The following EML1 variants were observed in gnomAD, a reference collection of about 807,000 sequenced individuals.
The protein encoded by EML1 is echinoderm microtubule-associated protein-like 1.
Under a neutral mutation model 110.4 loss-of-function variants are expected in EML1, and 27 were observed. That is an observed-to-expected ratio of 0.24 (90% CI 0.18 to 0.34). The LOEUF is 0.34. Ranked by LOEUF, EML1 falls within the 10% of genes least tolerant of loss-of-function variation. The pLI is 1.00. For synonymous variants in EML1, 344 were observed against 385.8 expected (o/e 0.89, Z 1.27); for missense variants, 741 against 1,030.9 (o/e 0.72, Z 3.85).
intron 13 of EML1, among the ~76,000 whole-genome samples, chr14:99,913,027 G>A (rs1052148684): frequency 1.3e-5 from 2 of 152,138 alleles, no homozygotes; most frequent in African/African-American, 2.4e-5. Context: ...CTTCATCATA[G>A]CAAATTGTTC....
In EML1 at chr14:99,905,851, G is replaced by A. The variant is rs532736245; in HGVS notation, c.1009-1787G>A. ...GCGTCCTTGCCTTTTATTAAGAGGG[G>A]CCTTTAACCCACTCTGTCTTAGGAG... On this transcript the variant is annotated intron_variant, in intron 9 of 21. Transcript: ENST00000262233. This position sits in a 1 kb window ranked among gnomAD's most constrained non-coding sequence, Gnocchi z 4.1. Among the ~76,000 whole-genome samples the A allele has an allele frequency of 6.6e-6, 1 of 152,222 alleles. No homozygotes were observed. The highest frequency in any genetic ancestry group is 2.1e-4 in the South Asian group (1 of 4,816).
At chr14:99,856,020 G>GAT (rs1056644772) in intron 2 of EML1, among the ~76,000 whole-genome samples, 2 of 152,200 alleles carry the variant, frequency 1.3e-5, no homozygotes, top group Non-Finnish European at 2.9e-5. Context: ...TGTATTGATT[G>GAT]ACTAAGGGCT....
chr14:99,857,102 C>T (rs1439141102), intron 2 of EML1, among the ~76,000 whole-genome samples: 1 of 151,970 alleles, frequency 6.6e-6, no homozygotes, highest in Non-Finnish European at 1.5e-5. Flanking sequence ...TGAAACCCCA[C>T]CTCTACAAAA....
At chr14:99,894,413 T>G (rs1161279331) in intron 5 of EML1, 1 of 378,194 alleles carries the variant, frequency 2.6e-6, no homozygotes, top group African/African-American at 2.1e-5. Flanking sequence ...AGGTATCTCA[T>G]GTACTTAAGT....
At chr14:99,764,248 A>G (rs1054242117) in intron 1 of EML1, among the ~76,000 whole-genome samples, 37 of 152,326 alleles carry the variant, frequency 2.4e-4, no homozygotes, top group African/African-American at 8.9e-4. Context: ...CAGAGGTCTC[A>G]CAGCAGCTCT....
chr14:99,939,583 C>G lies in EML1; in HGVS notation c.2322+256C>G, dbSNP rs867683078. Among the ~76,000 whole-genome samples the G allele has an allele frequency of 6.6e-5, 10 of 152,272 alleles. No individual in the cohort carries two copies. Among genetic ancestry groups the G allele is most frequent in the African/African-American group, 2.4e-4 (10 of 41,550 alleles). On this transcript the variant is annotated intron_variant, in intron 21 of 21. Transcript: ENST00000262233. This position sits in a 1 kb window ranked among gnomAD's most constrained non-coding sequence, Gnocchi z 4.2. The stretch of plus-strand genomic sequence containing the variant: ...AGGCTCACGACCCCGCCCTCCCCCA[C>G]GGCTCCCTTGCTCCGGCCCTGCTCA...
chr14:99,912,676 A>G (rs1414450468), intron 13 of EML1, among the ~76,000 whole-genome samples: 1 of 152,230 alleles, frequency 6.6e-6, no homozygotes, highest in Non-Finnish European at 1.5e-5. Context: ...CCTTGCCTGG[A>G]GATTCTGTTG....
chr14:99,876,559 C>G (rs1179115209), intron 3 of EML1, among the ~76,000 whole-genome samples: 5 of 152,188 alleles, frequency 3.3e-5, no homozygotes, highest in African/African-American at 1.2e-4. Flanking sequence ...CTCTTCTGTC[C>G]TTGGTCACCT....
chr14:99,907,533 T>G, intron 9 of EML1, 105 bp from the exon 10 acceptor site: 1 of 952,250 alleles, frequency 1.1e-6, no homozygotes, highest in Middle Eastern at 2.2e-4. Flanking sequence ...TTAACTACAA[T>G]GTAGCAGACT....
chr14:99,848,884 GC>G (rs768478239), intron 1 of EML1, among the ~76,000 whole-genome samples: 5 of 151,492 alleles, frequency 3.3e-5, no homozygotes, highest in Admixed American at 6.6e-5. Flanking sequence ...GATCACTTGA[GC>G]CTAGGGAGTG....
chr14:99,794,220 A>G (rs2057726999), intron 1 of EML1, among the ~76,000 whole-genome samples: 1 of 152,180 alleles, frequency 6.6e-6, no homozygotes, highest in Non-Finnish European at 1.5e-5. Flanking sequence ...AAAAATATGA[A>G]ATCCTACATG....
rs2060587882 is a variant in EML1, at chr14:99,941,469, T to C, written c.*1357T>C. The C allele has an allele frequency of 6.6e-6, 1 of 152,256 alleles. No individual in the cohort carries two copies. The highest frequency in any genetic ancestry group is 2.4e-5 in the African/African-American group (1 of 41,474). The allele number at this position is 152,256 out of a possible 1,614,324, so 9.4% of individuals were successfully genotyped here. ...GGCACCAGTAAACACCATGTATTATTGAAGATGAATCTGTTTGTATGTATC... is the reference window on the plus strand; with the variant it reads ...GGCACCAGTAAACACCATGTATTATCGAAGATGAATCTGTTTGTATGTATC... On this transcript the variant is annotated 3_prime_UTR_variant, in exon 22 of 22. Transcript: ENST00000262233.
chr14:99,787,415 A>G (rs921374586), intron 1 of EML1, among the ~76,000 whole-genome samples: 3 of 151,520 alleles, frequency 2.0e-5, no homozygotes, highest in Non-Finnish European at 4.4e-5. Context: ...AGTAACTGGG[A>G]TTATATCCAC....
chr14:99,894,859 T>G, intron 6 of EML1, 101 bp downstream of exon 6: 1 of 1,392,602 alleles, frequency 7.2e-7, no homozygotes, highest in African/African-American at 1.5e-5. Flanking sequence ...TCTTAAGCTT[T>G]TAAAAAACAA....
chr14:99,916,953 C>A (rs565621961), intron 15 of EML1, among the ~76,000 whole-genome samples: 1 of 152,114 alleles, frequency 6.6e-6, no homozygotes, highest in Non-Finnish European at 1.5e-5. Context: ...ATCTTGTATC[C>A]GAGTTAGTGA....
chr14:99,881,676 C>T (rs1372011727), intron 4 of EML1, among the ~76,000 whole-genome samples: 2 of 151,488 alleles, frequency 1.3e-5, no homozygotes, highest in African/African-American at 4.9e-5. Context: ...TCTCGGGTCA[C>T]TGCAGCCTCT....
intron 4 of EML1, among the ~76,000 whole-genome samples, chr14:99,881,489 C>T (rs1280855361): frequency 6.6e-6 from 1 of 152,142 alleles, no homozygotes; most frequent in African/African-American, 2.4e-5. Context: ...ACAAATCTTA[C>T]TATTGAACAC....
chr14:99,757,829 A>G (rs1429492732), intron 1 of EML1, among the ~76,000 whole-genome samples: 1 of 152,274 alleles, frequency 6.6e-6, no homozygotes, highest in Non-Finnish European at 1.5e-5. Context: ...AACAGGTTTC[A>G]AGAATACGCT....
At chr14:99,926,897 C>T (rs769224640) in intron 17 of EML1, among the ~76,000 whole-genome samples, 1 of 152,154 alleles carries the variant, frequency 6.6e-6, no homozygotes, top group African/African-American at 2.4e-5. Context: ...GCATGCACCA[C>T]CATACCTGGC....
Sources: gnomAD v4.1 joint callset for allele counts (sites outside exome capture counted in the v4.1 genomes callset) on GRCh38, gnomAD v4.1.1 for gene constraint, Gnocchi (gnomAD v3.1) non-coding constraint, MANE v1.5 for transcripts, NCBI Gene and HGNC (gene_info 2026-07-23, HGNC 2026-07-21) for gene names.